The following CFAP20DC variants were observed in gnomAD, a reference collection of about 807,000 sequenced individuals.
The protein encoded by CFAP20DC is CFAP20 domain containing.
Under a neutral mutation model 101.7 loss-of-function variants are expected in CFAP20DC, and 84 were observed. That is an observed-to-expected ratio of 0.83 (90% CI 0.69 to 0.99). CFAP20DC has a LOEUF of 0.99. CFAP20DC is among the 50% of genes least tolerant of loss of function. The pLI is 0.00. For missense variants in CFAP20DC, 1,007 were observed against 970.3 expected, an observed-to-expected ratio of 1.04 and a Z score of -0.50; for synonymous variants, 359 against 351.2, an observed-to-expected ratio of 1.02 and a Z score of -0.25.
intron 14 of CFAP20DC, among the ~76,000 whole-genome samples, chr3:58,809,244 T>A (rs1204680205): frequency 6.6e-6 from 1 of 151,982 alleles, no homozygotes; most frequent in Non-Finnish European, 1.5e-5. Flanking sequence ...ATCAACAGAA[T>A]ATACATTTTT....
At position 58,761,176 on chromosome 3, in the gene CFAP20DC, T is replaced by C. The variant is rs937192243; in HGVS notation, c.2238-7313A>G. Among the ~76,000 whole-genome samples, 130 of 152,234 alleles carry C rather than the reference T, an allele frequency of 8.5e-4. 2 individuals are homozygous for C. Among genetic ancestry groups the C allele is most frequent in the Admixed American group, 3.3e-4 (5 of 15,286 alleles). On this transcript the variant is annotated intron_variant, in intron 15 of 16. Coordinates refer to ENST00000482387, the MANE Select transcript of CFAP20DC (RefSeq NM_001394063.1). ...AATCCATCTGGTTCTGGACTTTTTT[T>C]GGTTGGTAAGCTATTAATTATTGCC...
chr3:58,978,974 C>T (rs1017624385), intron 4 of CFAP20DC, among the ~76,000 whole-genome samples: 3 of 152,156 alleles, frequency 2.0e-5, no homozygotes, highest in Non-Finnish European at 2.9e-5. Context: ...CAAGCCTAAC[C>T]TTAACCTAGT....
intron 6 of CFAP20DC, among the ~76,000 whole-genome samples, chr3:58,895,542 C>G (rs2082599838): frequency 6.6e-6 from 1 of 152,212 alleles, no homozygotes; most frequent in South Asian, 2.1e-4. Context: ...ATATCGCTAT[C>G]AGCATTTTGT....
chr3:58,945,431 C>T (rs1005676097), intron 4 of CFAP20DC, among the ~76,000 whole-genome samples: 1 of 152,100 alleles, frequency 6.6e-6, no homozygotes, highest in African/African-American at 2.4e-5. Flanking sequence ...ATCTTCTTTC[C>T]ATCCACAAAT....
chr3:58,932,567 C>T (rs534444395), intron 5 of CFAP20DC, among the ~76,000 whole-genome samples: 1 of 152,272 alleles, frequency 6.6e-6, no homozygotes, highest in African/African-American at 2.4e-5. Flanking sequence ...AGACTAACAG[C>T]TGTTCTCTCG....
intron 4 of CFAP20DC, 36 bp from the exon 5 acceptor site, chr3:58,937,798 C>T: frequency 8.6e-7 from 1 of 1,167,368 alleles, no homozygotes; most frequent in South Asian, 1.3e-5. Context: ...GAAAGATTCC[C>T]ATCAATTTAA....
intron 4 of CFAP20DC, among the ~76,000 whole-genome samples, chr3:58,970,157 A>G (rs1476423344): frequency 3.9e-5 from 6 of 152,132 alleles, no homozygotes; most frequent in Non-Finnish European, 5.9e-5. Flanking sequence ...GAAACACACT[A>G]GTTTCTTGGT....
At chr3:58,947,223 T>C (rs2089485367) in intron 4 of CFAP20DC, among the ~76,000 whole-genome samples, 1 of 152,178 alleles carries the variant, frequency 6.6e-6, no homozygotes, top group Admixed American at 6.5e-5. Context: ...CTAAAGGGCA[T>C]TCCAGAAAAA....
At chr3:59,031,068 C>T (rs1480861202) in intron 4 of CFAP20DC, among the ~76,000 whole-genome samples, 1 of 152,194 alleles carries the variant, frequency 6.6e-6, no homozygotes, top group African/African-American at 2.4e-5. Context: ...GTGATCCACA[C>T]ACCTTGGCCT....
intron 4 of CFAP20DC, among the ~76,000 whole-genome samples, chr3:59,034,804 G>C (rs936070282): frequency 6.6e-6 from 1 of 152,074 alleles, no homozygotes; most frequent in Non-Finnish European, 1.5e-5. Context: ...AAATTAACAA[G>C]GATATTTAGG....
chr3:58,926,413 T>C (rs2085980482), intron 5 of CFAP20DC, among the ~76,000 whole-genome samples: 1 of 151,758 alleles, frequency 6.6e-6, no homozygotes, highest in African/African-American at 2.4e-5. Flanking sequence ...ATAATAATAT[T>C]CACATAAATG....
rs1442334462 is a variant in CFAP20DC, at chr3:58,852,544, C to T, written c.1594-3135G>A. On this transcript the variant is annotated intron_variant, in intron 12 of 16. Coordinates refer to ENST00000482387, the MANE Select transcript of CFAP20DC (RefSeq NM_001394063.1). ...AAATCAACAGAATACACATTTTTTTCAGCACCACACCTATTCCAAAATTGA... is the reference window on the plus strand; with the variant it reads ...AAATCAACAGAATACACATTTTTTTTAGCACCACACCTATTCCAAAATTGA... Among the ~76,000 whole-genome samples, 3 of 152,212 alleles carry T rather than the reference C, an allele frequency of 2.0e-5. No homozygotes were observed. The East Asian group carries it at 5.8e-4, about 29-fold the overall frequency.
chr3:59,047,648 C>G (rs971071092), intron 1 of CFAP20DC, among the ~76,000 whole-genome samples: 2 of 152,188 alleles, frequency 1.3e-5, no homozygotes, highest in African/African-American at 4.8e-5. Flanking sequence ...CCAATACATT[C>G]AGGTAGTTAT....
chr3:58,840,859 T>C (rs1204221324), intron 13 of CFAP20DC, among the ~76,000 whole-genome samples: 2 of 152,202 alleles, frequency 1.3e-5, no homozygotes, highest in South Asian at 2.1e-4. Context: ...ATGAGGTAAC[T>C]GAGGCTCCAA....
rs1221575593 is a variant in CFAP20DC at position 59,001,631 on chromosome 3, G to A, written c.278+37926C>T. 1.3e-5 allele frequency among the ~76,000 whole-genome samples: 2 copies of A among 152,150 alleles called. No individual in the cohort carries two copies. The highest frequency in any genetic ancestry group is 2.4e-5 in the African/African-American group (1 of 41,432). Reference sequence around the variant, plus strand: ...TCTCCATGTTGGTCAGGTTGGTCTCGAACTCCCGACCTCAGGTGATCCACC... The same window carrying A: ...TCTCCATGTTGGTCAGGTTGGTCTCAAACTCCCGACCTCAGGTGATCCACC... On this transcript the variant is annotated intron_variant, in intron 4 of 16. Coordinates refer to ENST00000482387, the MANE Select transcript of CFAP20DC (RefSeq NM_001394063.1). The surrounding 1 kb of genome is among the most constrained non-coding windows in gnomAD (Gnocchi z 4.5).
chr3:58,782,678 CAAA>C (rs1490973127), intron 15 of CFAP20DC, among the ~76,000 whole-genome samples: 1 of 151,636 alleles, frequency 6.6e-6, no homozygotes, highest in East Asian at 1.9e-4. Flanking sequence ...ACAAGAGCTA[CAAA>C]AATATCTGGG....
chr3:58,980,436 C>T (rs1317190051), intron 4 of CFAP20DC, among the ~76,000 whole-genome samples: 1 of 152,144 alleles, frequency 6.6e-6, no homozygotes, highest in African/African-American at 2.4e-5. Flanking sequence ...CCTTGATGAA[C>T]ATTGATGCAA....
At chr3:58,823,109 G>T (rs1403878684) in intron 14 of CFAP20DC, among the ~76,000 whole-genome samples, 1 of 151,992 alleles carries the variant, frequency 6.6e-6, no homozygotes, top group East Asian at 1.9e-4. Context: ...TTCACTGTTT[G>T]TTCAGTTCTT....
rs2082160285 is a variant in CFAP20DC, at chr3:58,890,805, G to A, written c.551-6096C>T. Among the ~76,000 whole-genome samples, 12 of 148,064 alleles carry A rather than the reference G, an allele frequency of 8.1e-5. No homozygotes were observed. The South Asian group carries it at 1.9e-3, about 24-fold the overall frequency. ...CCAGATGGGGCGGCGGGGCAGAGGC[G>A]CTCCCCACATCTCAGACGATGGGCC... On this transcript the variant is annotated intron_variant, in intron 6 of 16. Transcript: ENST00000482387.
Sources: allele counts gnomAD v4.1 joint callset (sites outside exome capture counted in the v4.1 genomes callset), GRCh38; gene constraint gnomAD v4.1.1; non-coding constraint Gnocchi (gnomAD v3.1); transcripts MANE v1.5; gene names NCBI Gene and HGNC (gene_info 2026-07-23, HGNC 2026-07-21).